EXOC6B: variants seen among roughly 807,000 people sequenced by gnomAD.
The protein encoded by EXOC6B is exocyst complex component 6B, also known as SEC15 homolog B.
A neutral mutation model predicts 113.5 loss-of-function variants in EXOC6B; 54 were observed. That is an observed-to-expected ratio of 0.48 (90% CI 0.38 to 0.60). EXOC6B has a LOEUF of 0.60. Ranked by LOEUF, EXOC6B falls within the 20% of genes least tolerant of loss-of-function variation. The pLI is 0.00. For synonymous variants in EXOC6B, 357 were observed against 339.0 expected (o/e 1.05, Z -0.58); for missense variants, 797 against 977.5 (o/e 0.82, Z 2.46).
At position 72,179,277 on chromosome 2, in the gene EXOC6B, G is replaced by T. The variant is rs1296125467; in HGVS notation, c.*58C>A. The T allele has an allele frequency of 2.7e-6, 4 of 1,499,492 alleles. No individual in the cohort carries two copies. Among genetic ancestry groups the T allele is most frequent in the Non-Finnish European group, 3.6e-6 (4 of 1,123,940 alleles). 92.9% of individuals were successfully genotyped at this position (1,499,492 alleles called of 1,614,324 possible). A position where few individuals can be genotyped will look rare whatever the true frequency, so the allele number is the denominator to read the frequency against. Reference sequence around the variant, plus strand: ...ACAAATGCAGGGTCAGCTGGGGCTGGACCCCAGACTGACACAGAGGCTGCA... The same window carrying T: ...ACAAATGCAGGGTCAGCTGGGGCTGTACCCCAGACTGACACAGAGGCTGCA... On this transcript the variant is annotated 3_prime_UTR_variant, in exon 22 of 22. Transcript: ENST00000272427.
At chr2:72,222,339 G>A (rs62147587) in intron 20 of EXOC6B, among the ~76,000 whole-genome samples, 5,840 of 152,126 alleles carry the variant, frequency 0.038, 135 homozygotes, top group Non-Finnish European at 0.051. Flanking sequence ...CAGGAAAGGT[G>A]GGCCTTAAAG....
chr2:72,289,290 T>C (rs2104703726), intron 20 of EXOC6B, among the ~76,000 whole-genome samples: 1 of 152,346 alleles, frequency 6.6e-6, no homozygotes, highest in South Asian at 2.1e-4. Context: ...ATATTCACTT[T>C]GCGAAAATGC....
intron 8 of EXOC6B, among the ~76,000 whole-genome samples, chr2:72,548,534 T>C (rs144206830): frequency 2.6e-5 from 4 of 152,296 alleles, no homozygotes; most frequent in Middle Eastern, 3.4e-3. Flanking sequence ...GATCCTTCCG[T>C]TGGACACCAA....
chr2:72,337,737 G>C (rs1688773136), intron 19 of EXOC6B, among the ~76,000 whole-genome samples: 1 of 152,056 alleles, frequency 6.6e-6, no homozygotes, highest in Non-Finnish European at 1.5e-5. Flanking sequence ...TTCACATATA[G>C]TTTATGGAAA....
chr2:72,670,217 A>T (rs1675693861), intron 6 of EXOC6B, among the ~76,000 whole-genome samples: 1 of 152,240 alleles, frequency 6.6e-6, no homozygotes, highest in African/African-American at 2.4e-5. Context: ...GTCTTCAAGC[A>T]TTTATAGATG....
intron 5 of EXOC6B, among the ~76,000 whole-genome samples, chr2:72,722,537 G>C (rs1381708801): frequency 6.6e-6 from 1 of 152,044 alleles, no homozygotes; most frequent in Non-Finnish European, 1.5e-5. Flanking sequence ...TAAATGGAGG[G>C]AAGAAAGTTT....
chr2:72,513,300 T>C, intron 10 of EXOC6B, 48 bp from the exon 11 acceptor site: 2 of 1,607,192 alleles, frequency 1.2e-6, no homozygotes, highest in South Asian at 1.1e-5. Context: ...ATTACAGTTT[T>C]ATTACTCTCT....
At chr2:72,227,791 T>C (rs1207651753) in intron 20 of EXOC6B, among the ~76,000 whole-genome samples, 1 of 152,196 alleles carries the variant, frequency 6.6e-6, no homozygotes, top group Non-Finnish European at 1.5e-5. Context: ...GTCTTCTTTT[T>C]AACAAGAGTC....
intron 8 of EXOC6B, among the ~76,000 whole-genome samples, chr2:72,547,372 G>T (rs530977125): frequency 1.3e-5 from 2 of 152,156 alleles, no homozygotes; most frequent in East Asian, 3.8e-4. Context: ...TTTTATTATA[G>T]TATAACACAT....
chr2:72,805,664 A>T (rs1023724971), intron 1 of EXOC6B, among the ~76,000 whole-genome samples: 3 of 152,086 alleles, frequency 2.0e-5, no homozygotes, highest in Non-Finnish European at 2.9e-5. Context: ...ACTCTCAGCA[A>T]TTTTCAAACA....
chr2:72,248,261 T>C (rs1240829960), intron 20 of EXOC6B, among the ~76,000 whole-genome samples: 1 of 152,222 alleles, frequency 6.6e-6, no homozygotes, highest in Non-Finnish European at 1.5e-5. Context: ...TTAATCTTCA[T>C]TTTGTGTTCA....
intron 20 of EXOC6B, among the ~76,000 whole-genome samples, chr2:72,196,054 T>G (rs1373405702): frequency 1.3e-5 from 2 of 152,178 alleles, no homozygotes; most frequent in African/African-American, 4.8e-5. Context: ...TATTAGTAAA[T>G]TTTTATACAC....
intron 6 of EXOC6B, among the ~76,000 whole-genome samples, chr2:72,715,179 A>T (rs547957209): frequency 3.3e-5 from 5 of 152,256 alleles, no homozygotes; most frequent in South Asian, 4.1e-4. Flanking sequence ...GTGAGCCGAG[A>T]TTGCACCAAT....
At chr2:72,547,619 G>A (rs1210104957) in intron 8 of EXOC6B, among the ~76,000 whole-genome samples, 3 of 152,168 alleles carry the variant, frequency 2.0e-5, no homozygotes, top group African/African-American at 7.2e-5. Context: ...TCCAGTGATA[G>A]AAGGGTGAGG....
Position 72,661,298 on chromosome 2 carries a change from C to T in EXOC6B, c.669+56805G>A, listed in dbSNP as rs149308787. On this transcript the variant is annotated intron_variant, in intron 6 of 21. Transcript: ENST00000272427. ...GAAAATCAATGGCACATAAAGATTA[C>T]GAAGAAAAAAAACTAAATTGTCCGT... Among the ~76,000 whole-genome samples, 477 of 142,698 alleles carry T rather than the reference C, an allele frequency of 3.3e-3. 2 individuals are homozygous for T. Among genetic ancestry groups the T allele is most frequent in the African/African-American group, 0.012 (443 of 38,298 alleles). 93.6% of individuals were successfully genotyped at this position (142,698 alleles called of 152,430 possible). A position where few individuals can be genotyped will look rare whatever the true frequency, so the allele number is the denominator to read the frequency against.
At chr2:72,424,397 T>C (rs1695088752) in intron 18 of EXOC6B, among the ~76,000 whole-genome samples, 1 of 152,142 alleles carries the variant, frequency 6.6e-6, no homozygotes, top group Non-Finnish European at 1.5e-5. Flanking sequence ...TGTAAAATTG[T>C]AGCATTCTTT....
chr2:72,698,238 T>C (rs574819661), intron 6 of EXOC6B, among the ~76,000 whole-genome samples: 2 of 152,276 alleles, frequency 1.3e-5, no homozygotes, highest in East Asian at 3.9e-4. Flanking sequence ...CCAGAAGGAA[T>C]CACCGCTTCC....
At chr2:72,427,496 C>T (rs1429834165) in intron 18 of EXOC6B, among the ~76,000 whole-genome samples, 2 of 152,212 alleles carry the variant, frequency 1.3e-5, no homozygotes, top group African/African-American at 4.8e-5. Context: ...TAAGCACAGG[C>T]ACTGTCATAG....
intron 20 of EXOC6B, among the ~76,000 whole-genome samples, chr2:72,330,844 AT>A (rs1227655741): frequency 6.6e-6 from 1 of 151,952 alleles, no homozygotes; most frequent in Non-Finnish European, 1.5e-5. Flanking sequence ...CGCATTTCCT[AT>A]TGCTTTCTTG....
Sources: allele counts gnomAD v4.1 joint callset (sites outside exome capture counted in the v4.1 genomes callset), GRCh38; gene constraint gnomAD v4.1.1; transcripts MANE v1.5; gene names NCBI Gene and HGNC (gene_info 2026-07-23, HGNC 2026-07-21).